PRKN: variants seen among roughly 807,000 people sequenced by gnomAD.
PRKN encodes parkin RBR E3 ubiquitin protein ligase.
Under a neutral mutation model 59.5 loss-of-function variants are expected in PRKN, and 56 were observed. The observed-to-expected ratio is 0.94, with a 90% CI of 0.76 to 1.18. The LOEUF is 1.18. PRKN is among the 50% of genes most tolerant of loss of function. The probability of loss-of-function intolerance (pLI) is 0.00; values close to 1 mark genes in which losing one functional copy is unlikely to be tolerated. For synonymous variants in PRKN, 250 were observed against 222.1 expected, an observed-to-expected ratio of 1.13 and a Z score of -1.12; for missense variants, 657 against 596.4, an observed-to-expected ratio of 1.10 and a Z score of -1.06.
At chr6:161,869,121 G>A (rs1363630919) in intron 6 of PRKN, among the ~76,000 whole-genome samples, 9 of 152,224 alleles carry the variant, frequency 5.9e-5, no homozygotes, top group Admixed American at 3.9e-4. Flanking sequence ...GCTTATGCCT[G>A]TTATCCCAGC....
At chr6:162,632,766 A>G (rs575604918) in intron 1 of PRKN, among the ~76,000 whole-genome samples, 112 of 152,288 alleles carry the variant, frequency 7.4e-4, no homozygotes, top group Middle Eastern at 6.8e-3. Flanking sequence ...GATACAGAAA[A>G]ATATGCCCAA....
At chr6:161,885,465 C>T (rs907382445) in intron 6 of PRKN, among the ~76,000 whole-genome samples, 20 of 152,158 alleles carry the variant, frequency 1.3e-4, no homozygotes, top group African/African-American at 3.6e-4. Flanking sequence ...GAGATAGAGA[C>T]CATCCTGGCT....
At position 162,452,326 on chromosome 6, in the gene PRKN, G is replaced by A. The variant is rs75615199; in HGVS notation, c.8-8853C>T. 1.9e-3 allele frequency among the ~76,000 whole-genome samples: 295 copies of A among 152,246 alleles called. 5 individuals carry two copies. In the South Asian group the frequency reaches 0.024, roughly 12 times the overall value. On this transcript the variant is annotated intron_variant, in intron 1 of 11. Coordinates refer to ENST00000366898, the MANE Select transcript of PRKN (RefSeq NM_004562.3). ...ACAAGAAACAGTAAAAGCATCATAA[G>A]TGCTAAATACAGAAGATAATTAGGT...
chr6:161,965,443 G>C (rs1050160536), intron 6 of PRKN, among the ~76,000 whole-genome samples: 15 of 152,016 alleles, frequency 9.9e-5, no homozygotes, highest in Non-Finnish European at 1.5e-5. Flanking sequence ...GTCTGCTTCA[G>C]CTTTGGAAAC....
intron 1 of PRKN, among the ~76,000 whole-genome samples, chr6:162,626,745 T>A (rs913671416): frequency 7.7e-4 from 115 of 148,464 alleles, no homozygotes; most frequent in African/African-American, 2.8e-3. Context: ...AAGCGGGAGG[T>A]GGAGGTTGCA....
chr6:162,116,766 C>T lies in PRKN; in HGVS notation c.535-62592G>A, dbSNP rs1244419007. Among the ~76,000 whole-genome samples the T allele has an allele frequency of 5.9e-5, 9 of 152,132 alleles. No individual in the cohort carries two copies. In the East Asian group the frequency reaches 1.4e-3, roughly 23 times the overall value. ...ATAAGTGAAATTGCAGAGATATGCA[C>T]AGGCGTGAAAGTCATTTAGAGGGTG... On this transcript the variant is annotated intron_variant, in intron 4 of 11. Transcript: ENST00000366898.
chr6:162,384,342 A>G (rs1417212501), intron 2 of PRKN, among the ~76,000 whole-genome samples: 2 of 152,144 alleles, frequency 1.3e-5, no homozygotes, highest in African/African-American at 4.8e-5. Flanking sequence ...CCTGATTTCA[A>G]TATTATTTTG....
chr6:161,554,714 G>T lies in PRKN; in HGVS notation c.934-5711C>A, dbSNP rs1158317990. On this transcript the variant is annotated intron_variant, in intron 8 of 11. Transcript: ENST00000366898. The surrounding 1 kb of genome is among the most constrained non-coding windows in gnomAD (Gnocchi z 4.5). ...CAATCCTGATATACATACAGGGATT[G>T]TGTGTGTGTGTGTGTGTGTGTATAT... Among the ~76,000 whole-genome samples, 5 of 48,964 alleles carry T rather than the reference G, an allele frequency of 1.0e-4. No individual in the cohort carries two copies. The highest frequency in any genetic ancestry group is 3.7e-4 in the African/African-American group (4 of 10,924). The allele number at this position is 48,964 out of a possible 152,430, so 32.1% of individuals were successfully genotyped here. A position where few individuals can be genotyped will look rare whatever the true frequency, so the allele number is the denominator to read the frequency against.
rs1554267941 is a variant in PRKN at position 161,499,132 on chromosome 6, A to ACTT, written c.1083+49721_1083+49722insAAG. 2.2e-5 allele frequency among the ~76,000 whole-genome samples: 3 copies of ACTT among 136,560 alleles called. No individual in the cohort carries two copies. Among genetic ancestry groups the ACTT allele is most frequent in the Non-Finnish European group, 4.7e-5 (3 of 63,808 alleles). 89.6% of individuals were successfully genotyped at this position (136,560 alleles called of 152,430 possible). On this transcript the variant is annotated intron_variant, in intron 9 of 11. Transcript: ENST00000366898. This position sits in a 1 kb window ranked among gnomAD's most constrained non-coding sequence, Gnocchi z 4.2. The stretch of plus-strand genomic sequence containing the variant: ...AGGGTCTGGACACACACACACACAC[A>ACTT]TTTTTTTTTTTTTTTTGGCTCACAG...
intron 4 of PRKN, among the ~76,000 whole-genome samples, chr6:162,111,992 T>C (rs1780459367): frequency 6.6e-6 from 1 of 152,318 alleles, no homozygotes; most frequent in East Asian, 1.9e-4. Context: ...AGAATATCAG[T>C]AGCCAAGACA....
chr6:162,606,978 G>C (rs974445064), intron 1 of PRKN, among the ~76,000 whole-genome samples: 3 of 152,134 alleles, frequency 2.0e-5, no homozygotes, highest in Non-Finnish European at 4.4e-5. Flanking sequence ...CTACCAAAGT[G>C]CTGAGATTAT....
At position 161,885,473 on chromosome 6, in the gene PRKN, G is replaced by A. The variant is rs575201834; in HGVS notation, c.734+87829C>T. ...AGGTCAGGAGATAGAGACCATCCTG[G>A]CTAACACAGTGAAACCCCGTCTCTA... On this transcript the variant is annotated intron_variant, in intron 6 of 11. Transcript: ENST00000366898. Among the ~76,000 whole-genome samples, 9 of 152,140 alleles carry A rather than the reference G, an allele frequency of 5.9e-5. No homozygotes were observed. The South Asian group carries it at 1.9e-3, about 32-fold the overall frequency.
intron 1 of PRKN, among the ~76,000 whole-genome samples, chr6:162,554,846 T>C (rs1320410439): frequency 6.6e-6 from 1 of 152,126 alleles, no homozygotes. Context: ...AATTTAACAA[T>C]GGGGTTTGTG....
At chr6:162,321,167 C>T (rs1386664347) in intron 2 of PRKN, among the ~76,000 whole-genome samples, 1 of 151,746 alleles carries the variant, frequency 6.6e-6, no homozygotes. Flanking sequence ...TACAAATTAC[C>T]AATGTCAGAA....
At chr6:161,706,626 A>T (rs549292760) in intron 7 of PRKN, among the ~76,000 whole-genome samples, 16 of 152,222 alleles carry the variant, frequency 1.1e-4, no homozygotes, top group African/African-American at 3.9e-4. Context: ...TCTGTCACGC[A>T]GGCTGGAGTG....
intron 7 of PRKN, among the ~76,000 whole-genome samples, chr6:161,613,702 C>A (rs751235859): frequency 6.6e-6 from 1 of 152,170 alleles, no homozygotes; most frequent in Non-Finnish European, 1.5e-5. Context: ...AAGACCCTCT[C>A]CCAGCAAAAA....
At chr6:161,819,846 G>A (rs569765176) in intron 6 of PRKN, among the ~76,000 whole-genome samples, 12 of 152,166 alleles carry the variant, frequency 7.9e-5, no homozygotes, top group African/African-American at 1.9e-4. Flanking sequence ...TTTAACATGT[G>A]CTTAGAAAAT....
At chr6:162,060,333 T>C (rs1778048268) in intron 4 of PRKN, among the ~76,000 whole-genome samples, 1 of 152,216 alleles carries the variant, frequency 6.6e-6, no homozygotes, top group Admixed American at 6.5e-5. Context: ...TCAAATTGTT[T>C]GCATCAGTAA....
chr6:161,679,045 C>T (rs1785200343), intron 7 of PRKN, among the ~76,000 whole-genome samples: 1 of 152,146 alleles, frequency 6.6e-6, no homozygotes, highest in Admixed American at 6.5e-5. Flanking sequence ...TGTCTCTAAA[C>T]ATAGTATAAA....
Sources: allele counts gnomAD v4.1 joint callset (sites outside exome capture counted in the v4.1 genomes callset), GRCh38; gene constraint gnomAD v4.1.1; non-coding constraint Gnocchi (gnomAD v3.1); transcripts MANE v1.5; gene names NCBI Gene and HGNC (gene_info 2026-07-23, HGNC 2026-07-21).